Variants in C11orf65 observed in about 807,000 individuals in gnomAD.
C11orf65 encodes the protein chromosome 11 open reading frame 65, also known as protein MFI.
In C11orf65, 38 loss-of-function variants were observed where a neutral mutation model predicts 35.3. The ratio of observed to expected loss-of-function variants is 1.08; its 90% CI spans 0.83 to 1.41. The LOEUF is 1.41. Ranked by LOEUF, C11orf65 falls within the 40% of genes most tolerant of loss-of-function variation. The pLI is 0.00. For synonymous variants in C11orf65, 105 were observed against 114.4 expected, an observed-to-expected ratio of 0.92 and a Z score of 0.53; for missense variants, 370 against 367.1, an observed-to-expected ratio of 1.01 and a Z score of -0.06.
At chr11:108,412,566 T>C (rs2092676423) in intron 3 of C11orf65, among the ~76,000 whole-genome samples, 1 of 152,130 alleles carries the variant, frequency 6.6e-6, no homozygotes, top group African/African-American at 2.4e-5. Context: ...AGACTCTGAC[T>C]CCACGCAAAA....
chr11:108,386,614 GATGGAAAAGC>G (rs1179348025), intron 7 of C11orf65, among the ~76,000 whole-genome samples: 1 of 152,176 alleles, frequency 6.6e-6, no homozygotes, highest in African/African-American at 2.4e-5. Context: ...CTGTGAGGAT[GATGGAAAAGC>G]ACCAAGAGGC....
chr11:108,368,288 CAAAA>C (rs765253087), intron 2 of C11orf65: 66 of 97,600 alleles, frequency 6.8e-4, no homozygotes, highest in Non-Finnish European at 8.8e-4. Flanking sequence ...GACTCTGCCT[CAAAA>C]AAAAAAAAAA....
At chr11:108,360,118 C>G (rs1253088200) in intron 2 of C11orf65, among the ~76,000 whole-genome samples, 1 of 151,090 alleles carries the variant, frequency 6.6e-6, no homozygotes, top group Non-Finnish European at 1.5e-5. Context: ...GGGGATATCA[C>G]CACCGATCCC....
intron 2 of C11orf65, among the ~76,000 whole-genome samples, chr11:108,362,882 T>G (rs2090945328): frequency 6.6e-6 from 1 of 151,462 alleles, no homozygotes; most frequent in Admixed American, 6.6e-5. Flanking sequence ...CGCACCAGCA[T>G]GGCATATGTA....
Position 108,466,838 on chromosome 11 carries a change from T to G in C11orf65, c.-10+633A>C, listed in dbSNP as rs923517065. ...TTAAAGCAGCAAACAATCTTTACTT[T>G]GCTTGAATTGGAACCTGTATACGTC... On this transcript the variant is annotated intron_variant, in intron 1 of 8. Transcript: ENST00000393084. 9.2e-5 allele frequency among the ~76,000 whole-genome samples: 14 copies of G among 152,368 alleles called. No individual in the cohort carries two copies. The South Asian group carries it at 1.2e-3, about 14-fold the overall frequency.
intron 7 of C11orf65, among the ~76,000 whole-genome samples, chr11:108,391,985 C>T (rs2092173031): frequency 6.6e-6 from 1 of 151,956 alleles, no homozygotes. Context: ...AATTCCTAGG[C>T]TCAAGCAATC....
chr11:108,412,103 A>G (rs1174765313), intron 3 of C11orf65, among the ~76,000 whole-genome samples: 1 of 151,982 alleles, frequency 6.6e-6, no homozygotes, highest in Non-Finnish European at 1.5e-5. Context: ...AGTTTGCATG[A>G]TGTATATTTT....
chr11:108,355,002 AAGG>A, intron 2 of C11orf65: 2 of 816,622 alleles, frequency 2.4e-6, no homozygotes, highest in Non-Finnish European at 4.1e-6. Context: ...GGGCAGCAGA[AAGG>A]AGGAGATTGT....
intron 2 of C11orf65, among the ~76,000 whole-genome samples, chr11:108,435,806 A>G (rs930111115): frequency 3.3e-4 from 50 of 152,184 alleles, no homozygotes; most frequent in African/African-American, 1.1e-3. Context: ...AAGTGTGTTA[A>G]TCATAGTGTG....
chr11:108,357,480 C>A (rs1011268941), intron 2 of C11orf65, among the ~76,000 whole-genome samples: 1 of 152,254 alleles, frequency 6.6e-6, no homozygotes, highest in Non-Finnish European at 1.5e-5. Context: ...GTAGGCTCCA[C>A]CTCTGGGGGC....
At chr11:108,312,151 A>G (rs1452273352) in intron 6 of C11orf65, among the ~76,000 whole-genome samples, 1 of 152,192 alleles carries the variant, frequency 6.6e-6, no homozygotes, top group African/African-American at 2.4e-5. Context: ...TCTATTTTTA[A>G]ACAATCCAAT....
chr11:108,396,520 G>C (rs749969163), intron 6 of C11orf65, among the ~76,000 whole-genome samples: 3 of 151,864 alleles, frequency 2.0e-5, no homozygotes, highest in Non-Finnish European at 4.4e-5. Context: ...TTAATTCTCA[G>C]GTTTTGAACT....
chr11:108,429,615 A>G (rs2092956908), intron 3 of C11orf65, among the ~76,000 whole-genome samples: 2 of 152,220 alleles, frequency 1.3e-5, no homozygotes, highest in Non-Finnish European at 2.9e-5. Flanking sequence ...TGGAATTACC[A>G]TATGATCCAG....
At chr11:108,466,952 C>T (rs1011283322) in intron 1 of C11orf65, among the ~76,000 whole-genome samples, 1 of 147,038 alleles carries the variant, frequency 6.8e-6, no homozygotes, top group Non-Finnish European at 1.5e-5. Flanking sequence ...TCCTTTTTAC[C>T]TGTGGTCCTT....
intron 6 of C11orf65, among the ~76,000 whole-genome samples, chr11:108,318,076 A>G (rs1177009178): frequency 1.3e-5 from 2 of 152,096 alleles, no homozygotes; most frequent in African/African-American, 4.8e-5. Flanking sequence ...TTAAAAAATA[A>G]TACGGCCAGG....
intron 7 of C11orf65, among the ~76,000 whole-genome samples, chr11:108,392,445 C>T (rs778302361): frequency 1.4e-4 from 22 of 151,992 alleles, no homozygotes; most frequent in Non-Finnish European, 3.2e-4. Context: ...TGCTTTTTTG[C>T]TATTATGATA....
intron 2 of C11orf65, among the ~76,000 whole-genome samples, chr11:108,452,024 A>C (rs1425871697): frequency 1.3e-5 from 2 of 152,224 alleles, no homozygotes; most frequent in Non-Finnish European, 2.9e-5. Context: ...TTAAAGACTT[A>C]AACGTTAGAC....
chr11:108,370,250 TTAAAA>T (rs1194784968), intron 2 of C11orf65, among the ~76,000 whole-genome samples: 1 of 152,102 alleles, frequency 6.6e-6, no homozygotes, highest in East Asian at 1.9e-4. Context: ...ACTGTTAGAA[TTAAAA>T]TTAGTTTTTA....
At position 108,365,528 on chromosome 11, in the gene C11orf65, C is replaced by A. The variant is rs768241804; in HGVS notation, c.226+27680G>T. 5 of 1,612,288 alleles carry A rather than the reference C, an allele frequency of 3.1e-6. No homozygotes were observed. In the Middle Eastern group the frequency reaches 5.0e-4, roughly 160 times the overall value. On this transcript the variant is annotated intron_variant, in intron 2 of 3. Coordinates refer to the C11orf65 transcript ENST00000524755. ...GTGTGATCTTCAGTATATGAATTACCCTTTCATTCAGCCTTTAGAAATTAT... is the reference window on the plus strand; with the variant it reads ...GTGTGATCTTCAGTATATGAATTACACTTTCATTCAGCCTTTAGAAATTAT...
Sources: gnomAD v4.1 joint callset for allele counts (sites outside exome capture counted in the v4.1 genomes callset) on GRCh38, gnomAD v4.1.1 for gene constraint, MANE v1.5 for transcripts, NCBI Gene and HGNC (gene_info 2026-07-23, HGNC 2026-07-21) for gene names.